The following SOX5 variants were observed in gnomAD, a reference collection of about 807,000 sequenced individuals.
SOX5 encodes the protein SRY-box transcription factor 5, also known as transcription factor SOX-5.
A neutral mutation model predicts 92.0 loss-of-function variants in SOX5; 9 were observed. That is an observed-to-expected ratio of 0.10 (90% CI 0.06 to 0.17). SOX5 has a LOEUF of 0.17. Among genes scored for constraint, SOX5 ranks in the 10% least tolerant of loss-of-function variants. The pLI, the probability that SOX5 is intolerant of heterozygous loss-of-function variation, is 1.00. For synonymous variants in SOX5, 344 were observed against 336.3 expected, an observed-to-expected ratio of 1.02 and a Z score of -0.25; for missense variants, 642 against 944.5, an observed-to-expected ratio of 0.68 and a Z score of 4.20.
intron 2 of SOX5, among the ~76,000 whole-genome samples, chr12:24,335,993 A>ATATATATAT (rs1395314485): frequency 7.2e-5 from 10 of 138,334 alleles, no homozygotes; most frequent in Admixed American, 2.9e-4. Context: ...ATATATCCAT[A>ATATATATAT]ATATTAAATT....
At chr12:23,636,749 A>C (rs1311410448) in intron 8 of SOX5, among the ~76,000 whole-genome samples, 1 of 152,178 alleles carries the variant, frequency 6.6e-6, no homozygotes, top group South Asian at 2.1e-4. Context: ...TATTAATGTC[A>C]ATTAGTCAGC....
At chr12:24,441,528 T>G (rs976201438) in intron 1 of SOX5, among the ~76,000 whole-genome samples, 2 of 152,292 alleles carry the variant, frequency 1.3e-5, no homozygotes, top group African/African-American at 4.8e-5. Flanking sequence ...TTTAGCACCT[T>G]TTACAACCAA....
chr12:23,718,559 C>G (rs572606625), intron 6 of SOX5, among the ~76,000 whole-genome samples: 177 of 152,306 alleles, frequency 1.2e-3, no homozygotes, highest in African/African-American at 4.1e-3. Context: ...TGTTTAATCT[C>G]TCATCTTTAC....
At position 24,208,545 on chromosome 12, in the gene SOX5, T is replaced by C. The variant is rs528674877; in HGVS notation, c.-2+4798A>G. Reference sequence around the variant, plus strand: ...AACATCTCTGCTGGGCAAAATCATATGCATCCTTTAAAGCCCAGCTCAAAT... The same window carrying C: ...AACATCTCTGCTGGGCAAAATCATACGCATCCTTTAAAGCCCAGCTCAAAT... On this transcript the variant is annotated intron_variant, in intron 4 of 4. Transcript: ENST00000446891. 2.6e-5 allele frequency among the ~76,000 whole-genome samples: 4 copies of C among 152,346 alleles called. No homozygotes were observed. In the East Asian group the frequency reaches 5.8e-4, roughly 22 times the overall value.
At chr12:24,098,823 G>A (rs1472686353) in intron 4 of SOX5, among the ~76,000 whole-genome samples, 2 of 152,126 alleles carry the variant, frequency 1.3e-5, no homozygotes, top group Non-Finnish European at 2.9e-5. Flanking sequence ...CCCACCAGAA[G>A]GAAAGCTCTG....
At chr12:24,030,428 A>G (rs1955369999) in intron 4 of SOX5, among the ~76,000 whole-genome samples, 1 of 151,962 alleles carries the variant, frequency 6.6e-6, no homozygotes, top group African/African-American at 2.4e-5. Flanking sequence ...GAAGTGCCAA[A>G]AATATATAAT....
rs545611948 is a variant in SOX5 at position 24,006,387 on chromosome 12, T to C, written c.-1-110363A>G. Among the ~76,000 whole-genome samples the C allele has an allele frequency of 2.0e-5, 3 of 152,294 alleles. No individual in the cohort carries two copies. The South Asian group carries it at 6.2e-4, about 32-fold the overall frequency. ...TGTCCTTACTTGTGGGGTTCCATTA[T>C]CCTGAAATTCTGTTTATCATGGTCC... On this transcript the variant is annotated intron_variant, in intron 4 of 4. Transcript: ENST00000446891.
At chr12:23,827,495 GAA>G (rs2096251880) in intron 3 of SOX5, among the ~76,000 whole-genome samples, 1 of 152,140 alleles carries the variant, frequency 6.6e-6, no homozygotes, top group East Asian at 1.9e-4. Flanking sequence ...CCAAACAAAA[GAA>G]ATGATGAAAG....
intron 2 of SOX5, among the ~76,000 whole-genome samples, chr12:24,345,082 G>A (rs1320620012): frequency 6.6e-6 from 1 of 152,118 alleles, no homozygotes; most frequent in Non-Finnish European, 1.5e-5. Flanking sequence ...AAACTGGAGT[G>A]GTCAGTCATA....
rs978235459 is a variant in SOX5 at position 24,102,476 on chromosome 12, C to A, written c.-2+110867G>T. ...AAAGGTGCTTTTAATTGGATAAATG[C>A]AGGATAGGGAAACAAATCAATTCTT... is the stretch of plus-strand genomic sequence containing the variant. On this transcript the variant is annotated intron_variant, in intron 4 of 4. Transcript: ENST00000446891. Among the ~76,000 whole-genome samples, 26 of 152,106 alleles carry A rather than the reference C, an allele frequency of 1.7e-4. 1 individual carries two copies. Among genetic ancestry groups the A allele is most frequent in the African/African-American group, 6.3e-4 (26 of 41,436 alleles).
chr12:24,172,601 G>C (rs886455094), intron 4 of SOX5, among the ~76,000 whole-genome samples: 1 of 152,110 alleles, frequency 6.6e-6, no homozygotes, highest in African/African-American at 2.4e-5. Flanking sequence ...TTGGATCGGA[G>C]GAACTGAAAG....
intron 11 of SOX5, among the ~76,000 whole-genome samples, chr12:23,557,975 C>CAAA (rs371140908): frequency 1.6e-4 from 18 of 112,998 alleles, no homozygotes; most frequent in South Asian, 3.0e-4. Context: ...GACTCCGCCT[C>CAAA]AAAAAAAAAA....
At chr12:24,082,415 A>AAG in intron 4 of SOX5, among the ~76,000 whole-genome samples, 1 of 147,304 alleles carries the variant, frequency 6.8e-6, no homozygotes, top group Non-Finnish European at 1.5e-5. Flanking sequence ...AAAAAAAAAA[A>AAG]AAAAAAAAAA....
At chr12:23,815,007 G>C (rs1216365029) in intron 3 of SOX5, among the ~76,000 whole-genome samples, 3 of 152,124 alleles carry the variant, frequency 2.0e-5, no homozygotes, top group Non-Finnish European at 2.9e-5. Flanking sequence ...AACTGCAAAA[G>C]AGTTTTCATC....
chr12:24,017,624 C>A (rs184482228), intron 4 of SOX5, among the ~76,000 whole-genome samples: 38 of 151,614 alleles, frequency 2.5e-4, no homozygotes, highest in South Asian at 6.2e-4. Flanking sequence ...AATAAAATAA[C>A]ATAAAATAAA....
At chr12:23,701,865 T>C (rs565248078) in intron 6 of SOX5, among the ~76,000 whole-genome samples, 2 of 152,224 alleles carry the variant, frequency 1.3e-5, no homozygotes, top group East Asian at 1.9e-4. Context: ...TCTATTTCTC[T>C]TTGTTATCAC....
intron 1 of SOX5, among the ~76,000 whole-genome samples, chr12:24,518,409 T>C (rs1162450299): frequency 6.6e-6 from 1 of 152,148 alleles, no homozygotes; most frequent in Non-Finnish European, 1.5e-5. Flanking sequence ...AAGCTCTATT[T>C]CATCAACGCT....
intron 1 of SOX5, among the ~76,000 whole-genome samples, chr12:24,421,180 G>C (rs1039376602): frequency 5.9e-5 from 9 of 152,186 alleles, no homozygotes; most frequent in African/African-American, 1.9e-4. Flanking sequence ...TCTGTGATTA[G>C]CATGGTATAC....
chr12:23,567,283 G>A (rs1407502549), intron 10 of SOX5, among the ~76,000 whole-genome samples: 1 of 152,078 alleles, frequency 6.6e-6, no homozygotes, highest in Non-Finnish European at 1.5e-5. Context: ...TCAGATGGGA[G>A]GGCATGTGTA....
Sources: allele counts gnomAD v4.1 joint callset (sites outside exome capture counted in the v4.1 genomes callset), GRCh38; gene constraint gnomAD v4.1.1; transcripts MANE v1.5; gene names NCBI Gene and HGNC (gene_info 2026-07-23, HGNC 2026-07-21).